ADRM1: variants seen among roughly 807,000 people sequenced by gnomAD.
The protein encoded by ADRM1 is proteasomal ubiquitin receptor ADRM1.
A neutral mutation model predicts 40.1 loss-of-function variants in ADRM1; 2 were observed. The ratio of observed to expected loss-of-function variants is 0.05; its 90% CI spans 0.02 to 0.16. The LOEUF is 0.16. Among genes scored for constraint, ADRM1 ranks in the 10% least tolerant of loss-of-function variants. The pLI, the probability that ADRM1 is intolerant of heterozygous loss-of-function variation, is 1.00. For missense variants in ADRM1, 467 were observed against 552.5 expected, an observed-to-expected ratio of 0.85 and a Z score of 1.55; for synonymous variants, 287 against 240.4, an observed-to-expected ratio of 1.19 and a Z score of -1.79.
intron 3 of ADRM1, among the ~76,000 whole-genome samples, 187 bp downstream of exon 3, chr20:62,304,764 C>T (rs569670487): frequency 5.9e-5 from 9 of 152,372 alleles, no homozygotes; most frequent in East Asian, 3.9e-4. Context: ...TCCCAGAGTA[C>T]GGAGGCTCCA....
intron 9 of ADRM1, 83 bp downstream of exon 9, chr20:62,308,553 G>A: frequency 6.4e-7 from 1 of 1,562,168 alleles, no homozygotes; most frequent in Non-Finnish European, 8.7e-7. Flanking sequence ...AAGTGGGGCT[G>A]AGGGGGTAAA....
At chr20:62,304,366 C>G (rs1984578180) in intron 2 of ADRM1, 95 bp from the exon 3 acceptor site, 1 of 1,075,628 alleles carries the variant, frequency 9.3e-7, no homozygotes, top group African/African-American at 1.6e-5. Context: ...CTTGCGCACC[C>G]CACCCGGTTA....
In ADRM1 at chr20:62,306,743, C is replaced by A; in HGVS notation, c.541+9C>A. 1 of 1,596,908 alleles carries A rather than the reference C, an allele frequency of 6.3e-7. No individual in the cohort carries two copies. The highest frequency in any genetic ancestry group is 8.5e-7 in the Non-Finnish European group (1 of 1,170,806). ...CGGCCTTGGAGGACTGGGTAACGTG[C>A]GCCACCCGGGCTCTCGGGCAGCTTC... On this transcript the variant is annotated intron_variant, in intron 5 of 9. Coordinates refer to ENST00000253003, the MANE Select transcript of ADRM1 (RefSeq NM_007002.4).
At chr20:62,304,354 C>A in intron 2 of ADRM1, 107 bp from the exon 3 acceptor site, 1 of 892,368 alleles carries the variant, frequency 1.1e-6, no homozygotes. Context: ...GCTTAGCTGC[C>A]CCTTGCGCAC....
Position 62,307,841 on chromosome 20 carries a change from G to A in ADRM1, c.856+13G>A. The A allele has an allele frequency of 6.3e-7, 1 of 1,589,216 alleles. No individual in the cohort carries two copies. Among genetic ancestry groups the A allele is most frequent in the Non-Finnish European group, 8.6e-7 (1 of 1,168,670 alleles). On this transcript the variant is annotated intron_variant, in intron 7 of 9. Coordinates refer to ENST00000253003, the MANE Select transcript of ADRM1 (RefSeq NM_007002.4). Reference sequence around the variant, plus strand: ...GGCGGCCAGCAAGGTAACGTGTGCTGTCGCCTGGAGCTGGGTGGGGGGCAT... The same window carrying A: ...GGCGGCCAGCAAGGTAACGTGTGCTATCGCCTGGAGCTGGGTGGGGGGCAT...
chr20:62,308,533 G>C, intron 9 of ADRM1, 63 bp downstream of exon 9: 5 of 1,561,736 alleles, frequency 3.2e-6, no homozygotes, highest in Non-Finnish European at 4.3e-6. Context: ...CTGTCCCCCT[G>C]GATCTGCAGA....
At chr20:62,307,240 TG>T in intron 5 of ADRM1, 130 bp from the exon 6 acceptor site, 1 of 870,084 alleles carries the variant, frequency 1.1e-6, no homozygotes, top group African/African-American at 1.7e-5. Context: ...TCCAGGCCTG[TG>T]GGTCCCCACC....
intron 2 of ADRM1, 151 bp downstream of exon 2, chr20:62,303,932 C>A (rs1431932045): frequency 1.9e-5 from 14 of 733,686 alleles, no homozygotes; most frequent in Non-Finnish European, 2.7e-5. Context: ...TCCTGGTTTC[C>A]GCGGTGACAG....
intron 3 of ADRM1, 186 bp from the exon 4 acceptor site, chr20:62,306,005 ATCGTGC>A (rs1984890160): frequency 1.5e-6 from 1 of 650,292 alleles, no homozygotes; most frequent in Non-Finnish European, 2.6e-6. Flanking sequence ...GGCGCAGAGC[ATCGTGC>A]TCAGGAGGCG....
At chr20:62,306,567 C>A in intron 4 of ADRM1, 81 bp from the exon 5 acceptor site, 3 of 1,433,676 alleles carry the variant, frequency 2.1e-6, no homozygotes, top group African/African-American at 1.4e-5. Context: ...GAGTGCGGTG[C>A]TCAGCAGAGG....
At chr20:62,306,489 T>C (rs1984987857) in intron 4 of ADRM1, 159 bp from the exon 5 acceptor site, 3 of 1,312,882 alleles carry the variant, frequency 2.3e-6, no homozygotes, top group Non-Finnish European at 3.2e-6. Context: ...CTTCACGGGG[T>C]AGGACGGGTC....
chr20:62,306,485 G>A (rs1201930108), intron 4 of ADRM1, 163 bp from the exon 5 acceptor site: 14 of 1,304,758 alleles, frequency 1.1e-5, no homozygotes, highest in African/African-American at 5.9e-5. Context: ...CCACCTTCAC[G>A]GGGTAGGACG....
intron 9 of ADRM1, 40 bp from the exon 10 acceptor site, chr20:62,308,615 C>T: frequency 6.2e-7 from 1 of 1,608,712 alleles, no homozygotes; most frequent in Non-Finnish European, 8.5e-7. Context: ...CAGTTCTGGG[C>T]AAGGGTTAGA....
At chr20:62,305,929 G>A (rs1174984364) in intron 3 of ADRM1, 6 of 445,528 alleles carry the variant, frequency 1.3e-5, no homozygotes, top group Admixed American at 3.6e-5. Flanking sequence ...GGAGCTCTAG[G>A]CTCCCCATTT....
intron 3 of ADRM1, among the ~76,000 whole-genome samples, chr20:62,304,987 C>G (rs543419323): frequency 6.6e-6 from 1 of 152,240 alleles, no homozygotes; most frequent in Non-Finnish European, 1.5e-5. Context: ...CTGCCCCTTC[C>G]CTGGCAGTGT....
At position 62,308,356 on chromosome 20, in the gene ADRM1, CTCT is replaced by C; in HGVS notation, c.1015-7_1015-5del. On this transcript the variant is annotated splice_polypyrimidine_tract_variant and intron_variant, in intron 8 of 9. Coordinates refer to ENST00000253003, the MANE Select transcript of ADRM1 (RefSeq NM_007002.4). ...GGGTTGGAGCTCAGCCCTCGCCTGGCTCTTCTTGCAGGCCCTGGGCATGTTCAG... is the reference window on the plus strand; with the variant it reads ...GGGTTGGAGCTCAGCCCTCGCCTGGCTCTTGCAGGCCCTGGGCATGTTCAG... 6.3e-7 allele frequency: 1 copy of C among 1,591,646 alleles called. No individual in the cohort carries two copies. Among genetic ancestry groups the C allele is most frequent in the East Asian group, 2.3e-5 (1 of 44,164 alleles).
At chr20:62,303,541 G>C in intron 1 of ADRM1, 27 bp from the exon 2 acceptor site, 1 of 1,548,666 alleles carries the variant, frequency 6.5e-7, no homozygotes, top group Non-Finnish European at 8.7e-7. Context: ...TGACCGCCGC[G>C]TCTCAGCGTC....
rs1984439402 is a variant in ADRM1 at position 62,303,567 on chromosome 20, G to C, written c.-1-1G>C. The C allele has an allele frequency of 6.4e-7, 1 of 1,567,996 alleles. No homozygotes were observed. The highest frequency in any genetic ancestry group is 8.6e-7 in the Non-Finnish European group (1 of 1,156,234). ...TCTCAGCGTCCTCTCCGCGCTTTCA[G>C]GATGACGACCTCAGGCGCGCTCTTT... On this transcript the variant is annotated splice_acceptor_variant, in intron 1 of 9. Transcript: ENST00000253003. LOFTEE classifies it low-confidence loss of function (5UTR_SPLICE).
chr20:62,307,476 G>A (rs200499228), intron 6 of ADRM1, 24 bp downstream of exon 6: 26 of 1,605,806 alleles, frequency 1.6e-5, no homozygotes, highest in East Asian at 6.7e-5. Context: ...CTCCTGCCAC[G>A]CAGGTGCCAC....
Sources: gnomAD v4.1 joint callset for allele counts (sites outside exome capture counted in the v4.1 genomes callset) on GRCh38, gnomAD v4.1.1 for gene constraint, MANE v1.5 for transcripts, NCBI Gene and HGNC (gene_info 2026-07-23, HGNC 2026-07-21) for gene names.